The following SAMSN1 variants were observed in gnomAD, a reference collection of about 807,000 sequenced individuals.
SAMSN1 encodes SAM domain-containing protein SAMSN-1.
Under a neutral mutation model 42.0 loss-of-function variants are expected in SAMSN1, and 31 were observed. The observed-to-expected ratio is 0.74, with a 90% confidence interval of 0.55 to 1.00. The LOEUF (loss-of-function observed/expected upper bound fraction) is 1.00, where lower values mean the gene tolerates loss of function less well. Ranked by LOEUF, SAMSN1 falls within the 50% of genes least tolerant of loss-of-function variation. The pLI, the probability that SAMSN1 is intolerant of heterozygous loss-of-function variation, is 0.00. For synonymous variants in SAMSN1, 178 were observed against 151.9 expected, an observed-to-expected ratio of 1.17 and a Z score of -1.26; for missense variants, 464 against 439.4, an observed-to-expected ratio of 1.06 and a Z score of -0.50.
At chr21:14,651,194 T>C (rs893751778) in intron 1 of SAMSN1, among the ~76,000 whole-genome samples, 8 of 151,672 alleles carry the variant, frequency 5.3e-5, no homozygotes, top group Admixed American at 2.6e-4. Context: ...CCAATATTAC[T>C]GTGATACCAA....
chr21:14,542,083 G>A (rs1267346755), intron 1 of SAMSN1, among the ~76,000 whole-genome samples: 2 of 152,122 alleles, frequency 1.3e-5, no homozygotes, highest in African/African-American at 4.8e-5. Flanking sequence ...GTGTGTGGAC[G>A]CCTAGAGAGA....
chr21:14,499,766 C>T (rs539521552), intron 6 of SAMSN1, among the ~76,000 whole-genome samples: 1 of 151,934 alleles, frequency 6.6e-6, no homozygotes, highest in South Asian at 2.1e-4. Context: ...TATAGGAAGG[C>T]TTAGATAGTG....
intron 2 of SAMSN1, among the ~76,000 whole-genome samples, chr21:14,632,480 T>C (rs1470703904): frequency 1.3e-5 from 2 of 152,200 alleles, no homozygotes; most frequent in South Asian, 4.1e-4. Context: ...ATTTGTATAA[T>C]TGTAATACAA....
chr21:14,542,369 T>G (rs1327710589), intron 1 of SAMSN1, among the ~76,000 whole-genome samples: 1 of 152,210 alleles, frequency 6.6e-6, no homozygotes. Context: ...GCTCTACATA[T>G]GAGGCTAAAT....
In SAMSN1 at chr21:14,512,547, GTGGGCATTC is replaced by G. The variant is rs1568777965; in HGVS notation, c.297_305del (p.Glu99_His102delinsAsp). 1 of 1,613,868 alleles carries G rather than the reference GTGGGCATTC, an allele frequency of 6.2e-7. No individual in the cohort carries two copies. The highest frequency in any genetic ancestry group is 8.5e-7 in the Non-Finnish European group (1 of 1,179,814). On this transcript the variant is annotated inframe_deletion, in exon 4 of 8. Transcript: ENST00000400566. ...TCACAGGGTCACTGTTTCTATATGG[GTGGGCATTC>G]TCTCCATCTTCCTCATCCTTCAGAA...
chr21:14,559,033 G>A (rs536381692), intron 2 of SAMSN1, among the ~76,000 whole-genome samples: 3 of 152,074 alleles, frequency 2.0e-5, no homozygotes, highest in Non-Finnish European at 4.4e-5. Flanking sequence ...AAATTATGTC[G>A]GTCCCATCTC....
At chr21:14,528,281 G>A (rs947603602) in intron 1 of SAMSN1, among the ~76,000 whole-genome samples, 1 of 151,878 alleles carries the variant, frequency 6.6e-6, no homozygotes, top group African/African-American at 2.4e-5. Flanking sequence ...TAACTAATAA[G>A]CCCATAAATA....
intron 2 of SAMSN1, among the ~76,000 whole-genome samples, chr21:14,624,271 A>G (rs756796749): frequency 1.3e-5 from 2 of 152,222 alleles, no homozygotes; most frequent in Admixed American, 1.3e-4. Flanking sequence ...AGAAATAACT[A>G]AGATCAGAGC....
chr21:14,540,933 A>T (rs1979978177), intron 1 of SAMSN1, among the ~76,000 whole-genome samples: 1 of 152,210 alleles, frequency 6.6e-6, no homozygotes, highest in African/African-American at 2.4e-5. Flanking sequence ...CACATACACC[A>T]TGGAATACCA....
intron 7 of SAMSN1, among the ~76,000 whole-genome samples, chr21:14,491,399 T>C (rs1019313394): frequency 9.9e-5 from 15 of 152,274 alleles, no homozygotes; most frequent in African/African-American, 3.6e-4. Flanking sequence ...TAAGCCACCA[T>C]GCCTAGTCTG....
intron 2 of SAMSN1, among the ~76,000 whole-genome samples, chr21:14,520,371 A>G (rs1433112675): frequency 3.3e-5 from 5 of 152,210 alleles, no homozygotes; most frequent in Non-Finnish European, 7.3e-5. Context: ...TTTTATATAT[A>G]TCTATCAAAT....
At chr21:14,608,404 G>C (rs73891894) in intron 5 of SAMSN1, among the ~76,000 whole-genome samples, 2,102 of 152,292 alleles carry the variant, frequency 0.014, 50 homozygotes, top group African/African-American at 0.047. Flanking sequence ...GTCCACTACA[G>C]GGGGAGCATA....
intron 2 of SAMSN1, among the ~76,000 whole-genome samples, chr21:14,620,484 C>A (rs928539268): frequency 6.6e-6 from 1 of 152,182 alleles, no homozygotes; most frequent in Non-Finnish European, 1.5e-5. Flanking sequence ...GTCCATTAAA[C>A]CTCTTTCCTT....
chr21:14,633,195 C>A (rs879313276), intron 2 of SAMSN1, among the ~76,000 whole-genome samples: 3 of 151,908 alleles, frequency 2.0e-5, no homozygotes, highest in Non-Finnish European at 2.9e-5. Flanking sequence ...CTCTCTCTCT[C>A]TACACACACA....
intron 2 of SAMSN1, among the ~76,000 whole-genome samples, chr21:14,637,643 T>G (rs1441579133): frequency 6.6e-6 from 1 of 152,176 alleles, no homozygotes; most frequent in Non-Finnish European, 1.5e-5. Flanking sequence ...ATCAACTCCC[T>G]TGTGATTTAT....
intron 2 of SAMSN1, among the ~76,000 whole-genome samples, chr21:14,551,833 CGTGTCTA>C (rs1980606279): frequency 6.6e-6 from 1 of 152,008 alleles, no homozygotes; most frequent in South Asian, 2.1e-4. Context: ...GGTTTGGTAA[CGTGTCTA>C]GTTTGCACAG....
chr21:14,551,928 C>T (rs1980609463), intron 2 of SAMSN1, among the ~76,000 whole-genome samples: 1 of 152,026 alleles, frequency 6.6e-6, no homozygotes, highest in African/African-American at 2.4e-5. Flanking sequence ...TAGGTCTTGG[C>T]ATACCTAAAT....
At chr21:14,552,784 A>G (rs1980642349) in intron 2 of SAMSN1, among the ~76,000 whole-genome samples, 1 of 152,038 alleles carries the variant, frequency 6.6e-6, no homozygotes, top group Admixed American at 6.6e-5. Context: ...TCCAATTTCT[A>G]TTTCTAAAGA....
chr21:14,620,379 C>T (rs968392318), intron 2 of SAMSN1, among the ~76,000 whole-genome samples: 17 of 152,170 alleles, frequency 1.1e-4, no homozygotes, highest in African/African-American at 4.1e-4. Flanking sequence ...CCTACTCTCT[C>T]CTGCCACCAT....
Sources: allele counts gnomAD v4.1 joint callset (sites outside exome capture counted in the v4.1 genomes callset), GRCh38; gene constraint gnomAD v4.1.1; transcripts MANE v1.5; gene names NCBI Gene and HGNC (gene_info 2026-07-23, HGNC 2026-07-21).